Variants in GLUD1 observed in about 807,000 individuals in gnomAD.
The protein encoded by GLUD1 is glutamate dehydrogenase 1, also known as glutamate dehydrogenase 1, mitochondrial.
In GLUD1, 22 loss-of-function variants were observed where a neutral mutation model predicts 56.0. That is an observed-to-expected ratio of 0.39 (90% CI 0.28 to 0.56). The LOEUF (loss-of-function observed/expected upper bound fraction) is 0.56. Ranked by LOEUF, GLUD1 falls within the 20% of genes least tolerant of loss-of-function variation. GLUD1 has a pLI of 0.58. For synonymous variants in GLUD1, 223 were observed against 269.9 expected (o/e 0.83, Z 1.70); for missense variants, 451 against 732.0 (o/e 0.62, Z 4.43).
chr10:87,085,122 A>C (rs1841350454), intron 1 of GLUD1, among the ~76,000 whole-genome samples: 1 of 152,158 alleles, frequency 6.6e-6, no homozygotes, highest in African/African-American at 2.4e-5. Context: ...AGGTGGGCAG[A>C]TCATTTGAGG....
At position 87,061,351 on chromosome 10, in the gene GLUD1, C is replaced by T. The variant is rs1157124942; in HGVS notation, c.922-299G>A. The T allele has an allele frequency of 4.4e-5, 21 of 473,952 alleles. 1 individual carries two copies. Among genetic ancestry groups the T allele is most frequent in the South Asian group, 3.2e-4 (19 of 59,344 alleles). The allele number at this position is 473,952 out of a possible 1,614,324, so 29.4% of individuals were successfully genotyped here. A position where few individuals can be genotyped will look rare whatever the true frequency, so the allele number is the denominator to read the frequency against. On this transcript the variant is annotated intron_variant, in intron 6 of 12. Transcript: ENST00000277865. ...AGCCATGGCCAACATGGTGAAACCCCGTCTCTACTAAAAATACAAAAATTA... is the reference window on the plus strand; with the variant it reads ...AGCCATGGCCAACATGGTGAAACCCTGTCTCTACTAAAAATACAAAAATTA...
intron 1 of GLUD1, among the ~76,000 whole-genome samples, chr10:87,093,373 T>C (rs1369409990): frequency 2.0e-5 from 3 of 152,190 alleles, no homozygotes; most frequent in Non-Finnish European, 4.4e-5. Context: ...CCATTTTATG[T>C]TACTAAAGAG....
chr10:87,050,942 A>T lies in GLUD1; in HGVS notation c.*809T>A, dbSNP rs540528149. The T allele has an allele frequency of 2.6e-5, 4 of 152,570 alleles. No individual in the cohort carries two copies. In the East Asian group the frequency reaches 5.8e-4, roughly 22 times the overall value. The allele number at this position is 152,570 out of a possible 1,614,324, so 9.5% of individuals were successfully genotyped here. A position where few individuals can be genotyped will look rare whatever the true frequency, so the allele number is the denominator to read the frequency against. On this transcript the variant is annotated 3_prime_UTR_variant, in exon 13 of 13. Coordinates refer to ENST00000277865, the MANE Select transcript of GLUD1 (RefSeq NM_005271.5). ...GTGACTGCATTCTTTGGACTGTATC[A>T]TAATTATAGTAAGCAAATTCTGACA...
intron 1 of GLUD1, among the ~76,000 whole-genome samples, chr10:87,086,420 GTCTTT>G (rs1164346923): frequency 1.3e-5 from 2 of 152,148 alleles, no homozygotes; most frequent in Non-Finnish European, 1.5e-5. Context: ...TGTTTTATCT[GTCTTT>G]TCTTTTTCAT....
At chr10:87,080,594 C>T (rs1841201437) in intron 1 of GLUD1, among the ~76,000 whole-genome samples, 1 of 151,976 alleles carries the variant, frequency 6.6e-6, no homozygotes, top group Non-Finnish European at 1.5e-5. Flanking sequence ...CCCGCCGCCC[C>T]GTCTGGGATG....
intron 6 of GLUD1, among the ~76,000 whole-genome samples, chr10:87,061,787 T>C (rs1465529585): frequency 1.3e-5 from 2 of 151,644 alleles, no homozygotes; most frequent in African/African-American, 4.9e-5. Flanking sequence ...AGCTAATTTT[T>C]CTTTCTTTTT....
rs1846127475 is a variant in GLUD1, at chr10:87,068,143, C to T, written c.661G>A (p.Val221Met). ...CCTGTGCTCATGTCTGGAGCAGGCACATCAATGCCAGGACCTGCGGGGGCA... is the reference window on the plus strand; with the variant it reads ...CCTGTGCTCATGTCTGGAGCAGGCATATCAATGCCAGGACCTGCGGGGGCA... Reference protein sequence around the residue: ...KKGFIGPGIDVPAPDMSTGER... With the variant: ...KKGFIGPGIDMPAPDMSTGER... The change falls in exon 5 of 13, where the codon GTG (valine) becomes ATG (methionine). Residue 221 changes from valine to methionine, a missense_variant. Transcript: ENST00000277865. 3.1e-6 allele frequency: 5 copies of T among 1,611,306 alleles called. No homozygotes were observed. Among genetic ancestry groups the T allele is most frequent in the African/African-American group, 1.3e-5 (1 of 74,884 alleles).
chr10:87,063,353 G>A (rs952904788), intron 5 of GLUD1, among the ~76,000 whole-genome samples: 3 of 151,680 alleles, frequency 2.0e-5, no homozygotes, highest in African/African-American at 4.8e-5. Flanking sequence ...AATTACAAGC[G>A]TGAGCCACCA....
intron 9 of GLUD1, 73 bp downstream of exon 9, chr10:87,060,088 T>A: frequency 1.0e-6 from 1 of 959,868 alleles, no homozygotes; most frequent in Non-Finnish European, 1.7e-6. Flanking sequence ...ATTCCTCTCT[T>A]CCTCCAAATT....
intron 4 of GLUD1, among the ~76,000 whole-genome samples, chr10:87,068,863 G>T (rs1331999621): frequency 6.6e-6 from 1 of 151,594 alleles, no homozygotes; most frequent in African/African-American, 2.4e-5. Flanking sequence ...TAAGATCTCT[G>T]ATAAAAACAT....
chr10:87,080,110 G>C (rs544717974), intron 1 of GLUD1, among the ~76,000 whole-genome samples: 10 of 151,978 alleles, frequency 6.6e-5, no homozygotes, highest in Non-Finnish European at 1.5e-4. Context: ...ACTGGTTTTC[G>C]TATTTTTTTG....
intron 4 of GLUD1, among the ~76,000 whole-genome samples, chr10:87,073,179 G>A (rs1048863619): frequency 6.6e-6 from 1 of 151,918 alleles, no homozygotes. Flanking sequence ...ATGTGGTCTC[G>A]TTTTGTTGCT....
rs558808182 is a variant in GLUD1 at position 87,081,071 on chromosome 10, G to C, written c.446-4415C>G. On this transcript the variant is annotated intron_variant, in intron 1 of 12. Transcript: ENST00000277865. The stretch of plus-strand genomic sequence containing the variant: ...CGCCCCGTCCGGGAGGGAGGTGGGG[G>C]GGTCAGCCCCCCGCCCGGCCAGCCG... Among the ~76,000 whole-genome samples the C allele has an allele frequency of 2.8e-3, 406 of 146,712 alleles. 1 individual carries two copies. The highest frequency in any genetic ancestry group is 5.3e-3 in the Admixed American group (78 of 14,852).
chr10:87,062,820 C>T lies in GLUD1; in HGVS notation c.757G>A (p.Ala253Thr), dbSNP rs960420632. The T allele has an allele frequency of 2.5e-6, 4 of 1,613,950 alleles. No homozygotes were observed. Among genetic ancestry groups the T allele is most frequent in the African/African-American group, 1.3e-5 (1 of 75,028 alleles). ...CTGATGGGTTTACCAGTAACACAGG[C>T]GTGTGCATTAATATCCTGTAAGAGG... Reference protein sequence around the residue: ...TIGHYDINAHACVTGKPISQG... With the variant: ...TIGHYDINAHTCVTGKPISQG... Residue 253 changes from alanine to threonine, a missense_variant, in exon 6 of 13, where the codon GCC becomes ACC. Transcript: ENST00000277865.
At chr10:87,060,649 C>A in intron 8 of GLUD1, 39 bp downstream of exon 8, 1 of 1,613,550 alleles carries the variant, frequency 6.2e-7, no homozygotes, top group South Asian at 1.1e-5. Flanking sequence ...ACGTCATTCA[C>A]ATTGATAATG....
intron 1 of GLUD1, among the ~76,000 whole-genome samples, chr10:87,090,857 AT>A (rs1228861915): frequency 6.6e-6 from 1 of 152,122 alleles, no homozygotes; most frequent in Non-Finnish European, 1.5e-5. Context: ...AGTCAGAAAC[AT>A]TTTTTCCCCC....
In GLUD1 at chr10:87,058,159, C is replaced by T. The variant is rs185684093; in HGVS notation, c.1403-377G>A. 2.4e-3 allele frequency among the ~76,000 whole-genome samples: 364 copies of T among 152,232 alleles called. 1 individual carries two copies. Among genetic ancestry groups the T allele is most frequent in the African/African-American group, 8.1e-3 (335 of 41,552 alleles). On this transcript the variant is annotated intron_variant, in intron 10 of 12. Coordinates refer to ENST00000277865, the MANE Select transcript of GLUD1 (RefSeq NM_005271.5). ...CTGGGATTACAGGCGTGAGCCACTGCGCCTGGCCTTATACAGAGTTTTAAT... is the reference window on the plus strand; with the variant it reads ...CTGGGATTACAGGCGTGAGCCACTGTGCCTGGCCTTATACAGAGTTTTAAT...
At chr10:87,063,586 C>G (rs181067810) in intron 5 of GLUD1, among the ~76,000 whole-genome samples, 1 of 152,248 alleles carries the variant, frequency 6.6e-6, no homozygotes, top group East Asian at 1.9e-4. Context: ...AAAACAGAGC[C>G]TGAGACAGGA....
chr10:87,060,559 G>A, intron 8 of GLUD1, 129 bp downstream of exon 8: 1 of 1,126,066 alleles, frequency 8.9e-7, no homozygotes, highest in African/African-American at 1.5e-5. Flanking sequence ...TGGGGGAACT[G>A]TATGGTATGT....
Sources: allele counts gnomAD v4.1 joint callset (sites outside exome capture counted in the v4.1 genomes callset), GRCh38; gene constraint gnomAD v4.1.1; transcripts MANE v1.5; gene names NCBI Gene and HGNC (gene_info 2026-07-23, HGNC 2026-07-21).